Variants in KYAT3 observed in about 807,000 individuals in gnomAD.
KYAT3 encodes kynurenine aminotransferase 3.
KYAT3 carries 50 observed loss-of-function variants against 59.0 expected under a neutral mutation model. The observed-to-expected ratio is 0.85, with a 90% CI of 0.68 to 1.07. KYAT3 has a LOEUF of 1.07. Among genes scored for constraint, KYAT3 ranks in the 50% least tolerant of loss-of-function variants. KYAT3 has a pLI of 0.00. For synonymous variants in KYAT3, 148 were observed against 177.0 expected (o/e 0.84, Z 1.30); for missense variants, 497 against 533.3 (o/e 0.93, Z 0.67).
intron 2 of KYAT3, chr1:88,982,654 C>T (rs751636892): frequency 1.8e-5 from 29 of 1,589,320 alleles, no homozygotes; most frequent in Non-Finnish European, 2.5e-5. Flanking sequence ...TTGTTTGTTT[C>T]TAGTATCTGC....
intron 2 of KYAT3, among the ~76,000 whole-genome samples, chr1:88,974,852 T>C (rs1483690816): frequency 1.5e-4 from 23 of 151,754 alleles, no homozygotes; most frequent in Admixed American, 1.5e-3. Context: ...CTCTGTAAAA[T>C]GGACCAATCA....
intron 2 of KYAT3, among the ~76,000 whole-genome samples, chr1:88,987,804 C>T (rs769796587): frequency 2.0e-5 from 3 of 152,164 alleles, no homozygotes; most frequent in Non-Finnish European, 4.4e-5. Flanking sequence ...ACATCTAATA[C>T]CCAGTCCACA....
At chr1:88,959,822 G>GT (rs1208818776) in intron 8 of KYAT3, among the ~76,000 whole-genome samples, 1 of 151,386 alleles carries the variant, frequency 6.6e-6, no homozygotes, top group Non-Finnish European at 1.5e-5. Flanking sequence ...ATAGCAACTT[G>GT]TAATATACTA....
At chr1:88,989,362 G>C (rs544983139) in intron 1 of KYAT3, among the ~76,000 whole-genome samples, 11 of 152,298 alleles carry the variant, frequency 7.2e-5, no homozygotes, top group African/African-American at 2.2e-4. Flanking sequence ...GATTAAAGCA[G>C]AATTCAATCT....
At chr1:88,935,038 G>C (rs540951572), downstream of KYAT3, among the ~76,000 whole-genome samples, 1 of 138,404 alleles carries the variant, frequency 7.2e-6, no homozygotes, top group South Asian at 2.2e-4. Flanking sequence ...CTGTTGCCCA[G>C]GCTGGAGTGC....
rs568286527 is a variant in KYAT3, at chr1:88,948,824, A to G, written c.1141+267T>C. Among the ~76,000 whole-genome samples, 475 of 152,378 alleles carry G rather than the reference A, an allele frequency of 3.1e-3. 1 individual carries two copies. Among genetic ancestry groups the G allele is most frequent in the Non-Finnish European group, 5.1e-3 (344 of 68,034 alleles). Reference sequence around the variant, plus strand: ...TTTCACACACTTGTGTTTTAAAATTACACACCAGAAGAGAGTGATAGCAAA... The same window carrying G: ...TTTCACACACTTGTGTTTTAAAATTGCACACCAGAAGAGAGTGATAGCAAA... On this transcript the variant is annotated intron_variant, in intron 11 of 13. Coordinates refer to ENST00000260508, the MANE Select transcript of KYAT3 (RefSeq NM_001008661.3).
Position 88,986,794 on chromosome 1 carries a change from C to G in KYAT3, c.99+1458G>C, listed in dbSNP as rs557888267. Among the ~76,000 whole-genome samples, 3 of 152,238 alleles carry G rather than the reference C, an allele frequency of 2.0e-5. No homozygotes were observed. The South Asian group carries it at 6.2e-4, about 32-fold the overall frequency. Reference sequence around the variant, plus strand: ...CAGTAACTTATCTGGCTGGTTCTGACAAGTCTTTCTTGATTTAAACTTATC... The same window carrying G: ...CAGTAACTTATCTGGCTGGTTCTGAGAAGTCTTTCTTGATTTAAACTTATC... On this transcript the variant is annotated intron_variant, in intron 2 of 13. Coordinates refer to ENST00000260508, the MANE Select transcript of KYAT3 (RefSeq NM_001008661.3).
Position 88,961,157 on chromosome 1 carries a change from T to C in KYAT3, c.787+10A>G, listed in dbSNP as rs140590666. On this transcript the variant is annotated intron_variant, in intron 8 of 13. Transcript: ENST00000260508. ...CATTTAGATATGTGACTCTGTGTTATAGTTGGTACCTATTTTTAAGTGCTT... is the reference window on the plus strand; with the variant it reads ...CATTTAGATATGTGACTCTGTGTTACAGTTGGTACCTATTTTTAAGTGCTT... 1,158 of 1,612,994 alleles carry C rather than the reference T, an allele frequency of 7.2e-4. 3 individuals carry two copies. The highest frequency in any genetic ancestry group is 5.0e-3 in the Middle Eastern group (30 of 6,056).
chr1:88,988,429 G>C lies in KYAT3; in HGVS notation c.-1-78C>G, dbSNP rs1241840749. 4 of 785,358 alleles carry C rather than the reference G, an allele frequency of 5.1e-6. No homozygotes were observed. In the African/African-American group the frequency reaches 7.0e-5, roughly 14 times the overall value. 48.6% of individuals were successfully genotyped at this position (785,358 alleles called of 1,614,324 possible). A position where few individuals can be genotyped will look rare whatever the true frequency, so the allele number is the denominator to read the frequency against. On this transcript the variant is annotated intron_variant, in intron 1 of 13. Coordinates refer to ENST00000260508, the MANE Select transcript of KYAT3 (RefSeq NM_001008661.3). Reference sequence around the variant, plus strand: ...CACTATCAGACACTTACAGCTAGCTGATGTATCATAAGCTTACGTAAAATC... The same window carrying C: ...CACTATCAGACACTTACAGCTAGCTCATGTATCATAAGCTTACGTAAAATC...
At chr1:88,929,343 T>C in the KYAT3 span, among the ~76,000 whole-genome samples, 1 of 152,182 alleles carries the variant, frequency 6.6e-6, no homozygotes, top group Non-Finnish European at 1.5e-5. Flanking sequence ...CTAACCCTTA[T>C]ACTCTGCTTT....
intron 2 of KYAT3, chr1:88,983,249 G>A (rs1677206998): frequency 6.2e-7 from 1 of 1,613,504 alleles, no homozygotes; most frequent in South Asian, 1.1e-5. Context: ...CCTTCGAGGT[G>A]GACCTCCATA....
chr1:88,971,074 G>A (rs147238589), intron 2 of KYAT3, among the ~76,000 whole-genome samples: 60 of 152,266 alleles, frequency 3.9e-4, no homozygotes, highest in Admixed American at 3.3e-3. Flanking sequence ...GTTCTAGCAT[G>A]ATAGGTTGAA....
chr1:88,949,807 C>T (rs1241265983), intron 10 of KYAT3, among the ~76,000 whole-genome samples: 2 of 152,214 alleles, frequency 1.3e-5, no homozygotes, highest in African/African-American at 4.8e-5. Flanking sequence ...AAATGAGTTT[C>T]TGGAACATCT....
In KYAT3 at chr1:88,959,058, G is replaced by A. The variant is rs77853816; in HGVS notation, c.787+2109C>T. Among the ~76,000 whole-genome samples, 712 of 152,118 alleles carry A rather than the reference G, an allele frequency of 4.7e-3. 3 individuals are homozygous for A. Among genetic ancestry groups the A allele is most frequent in the Non-Finnish European group, 6.9e-3 (471 of 67,986 alleles). On this transcript the variant is annotated intron_variant, in intron 8 of 13. Transcript: ENST00000260508. ...TTTGGGAGGCCAGGGCAGGAGGATC[G>A]CTTGAGTCTAGGAGATTGAGAACAG...
intron 2 of KYAT3, chr1:88,983,504 C>T (rs1387055902): frequency 1.2e-6 from 2 of 1,614,144 alleles, no homozygotes; most frequent in Admixed American, 3.3e-5. Context: ...AGCTCCAAAA[C>T]CTCTTGGAGG....
intron 2 of KYAT3, among the ~76,000 whole-genome samples, chr1:88,972,565 T>C (rs1212388536): frequency 6.6e-6 from 1 of 152,238 alleles, no homozygotes; most frequent in Non-Finnish European, 1.5e-5. Flanking sequence ...AAAGTCTTGG[T>C]GGCCTAAAAT....
At chr1:88,955,125 C>T (rs775808475) in intron 9 of KYAT3, 24 bp downstream of exon 9, 64 of 1,465,144 alleles carry the variant, frequency 4.4e-5, no homozygotes, top group Non-Finnish European at 5.8e-5. Context: ...TATTTTTAAG[C>T]AATTAAATTC....
the KYAT3 span, among the ~76,000 whole-genome samples, chr1:88,922,435 C>T: frequency 6.6e-6 from 1 of 152,318 alleles, no homozygotes; most frequent in South Asian, 2.1e-4. Context: ...AGCTGGTGAC[C>T]TGTTAGGAAC....
intron 2 of KYAT3, chr1:88,980,197 C>A (rs1468708074): frequency 6.6e-6 from 1 of 152,354 alleles, no homozygotes. Flanking sequence ...CTTTTGGGGG[C>A]GATGGAAGTG....
Sources: gnomAD v4.1 joint callset for allele counts (sites outside exome capture counted in the v4.1 genomes callset) on GRCh38, gnomAD v4.1.1 for gene constraint, MANE v1.5 for transcripts, NCBI Gene and HGNC (gene_info 2026-07-23, HGNC 2026-07-21) for gene names.